Variants in AFF3 observed in about 807,000 individuals in gnomAD.
AFF3 encodes AF4/FMR2 family member 3.
Under a neutral mutation model 129.7 loss-of-function variants are expected in AFF3, and 32 were observed. The observed-to-expected ratio is 0.25, with a 90% confidence interval of 0.19 to 0.33. AFF3 has a LOEUF of 0.33. Ranked by LOEUF, AFF3 falls within the 10% of genes least tolerant of loss-of-function variation. The pLI is 1.00. For missense variants in AFF3, 1,373 were observed against 1,592.0 expected (o/e 0.86, Z 2.34); for synonymous variants, 644 against 635.4 (o/e 1.01, Z -0.20).
chr2:100,137,551 A>G (rs1311151145), intron 1 of AFF3, among the ~76,000 whole-genome samples: 2 of 138,684 alleles, frequency 1.4e-5, no homozygotes, highest in African/African-American at 5.5e-5. Flanking sequence ...ACACACACAC[A>G]CACACACAGA....
intron 4 of AFF3, among the ~76,000 whole-genome samples, chr2:100,033,411 A>G (rs1490480578): frequency 6.6e-6 from 1 of 152,240 alleles, no homozygotes; most frequent in Non-Finnish European, 1.5e-5. Context: ...CATAAACACA[A>G]ATGTGGGATA....
intron 13 of AFF3, among the ~76,000 whole-genome samples, chr2:99,639,999 C>T (rs4850907): frequency 0.059 from 9,003 of 151,974 alleles, 441 homozygotes; most frequent in Admixed American, 0.17. Context: ...GACTTTTTTC[C>T]GTGAGTAAAG....
chr2:99,707,080 ATAG>A, intron 11 of AFF3: 1 of 984,754 alleles, frequency 1.0e-6, no homozygotes, highest in Non-Finnish European at 1.2e-6. Context: ...CGAAGATATA[ATAG>A]TACAATGAAA....
intron 7 of AFF3, among the ~76,000 whole-genome samples, chr2:99,976,813 T>TC (rs1170308135): frequency 1.3e-5 from 2 of 149,180 alleles, no homozygotes; most frequent in African/African-American, 4.9e-5. Flanking sequence ...TTTTTTTTTT[T>TC]CCTAAAAAAG....
Position 99,594,142 on chromosome 2 carries a change from A to T in AFF3, c.1519T>A (p.Cys507Ser), listed in dbSNP as rs910090598. The change falls in exon 15 of 25, where the codon TGT becomes AGT. Residue 507 changes from cysteine (C) to serine (S), a missense_variant. Transcript: ENST00000672756. ...TGGCAAACGTCGGGGACTTTCCCACAGTCCTGGACGTCCTCTTTCACCGGG... is the reference window on the plus strand; with the variant it reads ...TGGCAAACGTCGGGGACTTTCCCACTGTCCTGGACGTCCTCTTTCACCGGG... The part of the protein sequence containing the change: ...YNPVKEDVQD[C>S]GKVPDVCQPS... The T allele has an allele frequency of 1.9e-6, 3 of 1,613,940 alleles. No individual in the cohort carries two copies. Among genetic ancestry groups the T allele is most frequent in the Middle Eastern group, 1.6e-4 (1 of 6,084 alleles).
chr2:99,560,273 C>T (rs1370279287), intron 21 of AFF3, 92 bp downstream of exon 21: 4 of 1,364,516 alleles, frequency 2.9e-6, no homozygotes, highest in South Asian at 1.2e-5. Flanking sequence ...TGTTAGAAGA[C>T]ATTGGGCAAA....
chr2:99,814,614 G>A (rs1687069068), intron 8 of AFF3, among the ~76,000 whole-genome samples: 2 of 152,134 alleles, frequency 1.3e-5, no homozygotes, highest in Admixed American at 6.5e-5. Flanking sequence ...GAATAGCCAA[G>A]TAAGATTGTT....
chr2:100,008,958 C>T, intron 4 of AFF3, 26 bp from the exon 5 acceptor site: 1 of 1,611,350 alleles, frequency 6.2e-7, no homozygotes. Flanking sequence ...GAAGAGAGAA[C>T]AACCACACAC....
intron 7 of AFF3, among the ~76,000 whole-genome samples, chr2:99,890,373 A>G (rs1052248963): frequency 4.3e-4 from 65 of 152,208 alleles, no homozygotes; most frequent in African/African-American, 1.5e-3. Flanking sequence ...TTTGCTTCTA[A>G]TCCTTTAGTT....
At chr2:99,796,934 T>C (rs1460114881) in intron 8 of AFF3, among the ~76,000 whole-genome samples, 1 of 152,158 alleles carries the variant, frequency 6.6e-6, no homozygotes, top group Non-Finnish European at 1.5e-5. Context: ...ATGATGCTCT[T>C]TCTCACCTGA....
chr2:99,649,059 A>G (rs1346446111), intron 13 of AFF3, among the ~76,000 whole-genome samples: 1 of 152,152 alleles, frequency 6.6e-6, no homozygotes, highest in Non-Finnish European at 1.5e-5. Flanking sequence ...CCTTTCAGAC[A>G]AAGCAGGATA....
chr2:100,110,670 G>A (rs909172781), intron 2 of AFF3, among the ~76,000 whole-genome samples: 1 of 152,198 alleles, frequency 6.6e-6, no homozygotes, highest in Admixed American at 6.5e-5. Flanking sequence ...GAGTCCTGCT[G>A]GGGGTCCCCA....
chr2:99,918,631 C>T (rs892356193), intron 7 of AFF3, among the ~76,000 whole-genome samples: 4 of 152,146 alleles, frequency 2.6e-5, no homozygotes, highest in African/African-American at 4.8e-5. Flanking sequence ...ACAGACCTAA[C>T]GCAAATAGGT....
chr2:100,070,517 T>C (rs995938343), intron 4 of AFF3, among the ~76,000 whole-genome samples: 7 of 152,226 alleles, frequency 4.6e-5, no homozygotes, highest in East Asian at 1.9e-4. Context: ...TGAATTATTA[T>C]ACGATGTTCA....
intron 4 of AFF3, among the ~76,000 whole-genome samples, chr2:100,020,825 T>C (rs1053229649): frequency 6.6e-6 from 1 of 152,202 alleles, no homozygotes; most frequent in Admixed American, 6.5e-5. Context: ...ATCTCCCGGC[T>C]GCTCTTCCTA....
At chr2:100,052,418 C>T (rs748545847) in intron 4 of AFF3, among the ~76,000 whole-genome samples, 14 of 152,116 alleles carry the variant, frequency 9.2e-5, no homozygotes, top group Non-Finnish European at 1.9e-4. Context: ...GGACAATGAC[C>T]CAGTATGCTT....
At chr2:99,839,947 A>G (rs1689195323) in intron 7 of AFF3, among the ~76,000 whole-genome samples, 3 of 151,632 alleles carry the variant, frequency 2.0e-5, no homozygotes, top group Non-Finnish European at 4.4e-5. Context: ...TCTTGTGTTT[A>G]CTGAACATTT....
chr2:99,628,631 A>G (rs1056100386), intron 13 of AFF3, among the ~76,000 whole-genome samples: 2 of 149,920 alleles, frequency 1.3e-5, no homozygotes, highest in Non-Finnish European at 3.0e-5. Context: ...ATCTTGGCTC[A>G]CTGCAACTGC....
chr2:100,009,493 T>C (rs1398609702), intron 4 of AFF3, among the ~76,000 whole-genome samples: 1 of 152,180 alleles, frequency 6.6e-6, no homozygotes, highest in African/African-American at 2.4e-5. Context: ...CTGAATCAAT[T>C]CTTCCTTCTG....
Sources: allele counts gnomAD v4.1 joint callset (sites outside exome capture counted in the v4.1 genomes callset), GRCh38; gene constraint gnomAD v4.1.1; transcripts MANE v1.5; gene names NCBI Gene and HGNC (gene_info 2026-07-23, HGNC 2026-07-21).